Variants in HSPA14 observed in about 807,000 individuals in gnomAD.
HSPA14 encodes heat shock protein family A (Hsp70) member 14.
A neutral mutation model predicts 65.5 loss-of-function variants in HSPA14; 37 were observed. That is an observed-to-expected ratio of 0.56 (90% CI 0.43 to 0.74). HSPA14 has a LOEUF of 0.74. Among genes scored for constraint, HSPA14 ranks in the 30% least tolerant of loss-of-function variants. HSPA14 has a pLI of 0.00. For synonymous variants in HSPA14, 203 were observed against 214.2 expected, an observed-to-expected ratio of 0.95 and a Z score of 0.46; for missense variants, 564 against 607.6, an observed-to-expected ratio of 0.93 and a Z score of 0.75.
At position 14,855,856 on chromosome 10, in the gene HSPA14, T is replaced by C. The variant is rs115685817; in HGVS notation, c.906T>C (p.Leu302=). 6.9e-5 allele frequency: 110 copies of C among 1,598,586 alleles called. No homozygotes were observed. The East Asian group carries it at 2.4e-3, about 35-fold the overall frequency. Residue 302 remains leucine (L), a synonymous_variant, in exon 10 of 14, where the codon CTT becomes CTC. Transcript: ENST00000378372. ...DCNVSRARFE[L]LCSPLFNKCI... is the part of the protein sequence containing the mutation. ...GTGTGTACAGAGCAAGATTTGAACTTCTTTGTTCTCCACTTTTTAATAAGT... is the reference window on the plus strand; with the variant it reads ...GTGTGTACAGAGCAAGATTTGAACTCCTTTGTTCTCCACTTTTTAATAAGT...
chr10:14,862,365 TC>T (rs1832757711), intron 10 of HSPA14, among the ~76,000 whole-genome samples: 1 of 146,184 alleles, frequency 6.8e-6, no homozygotes, highest in South Asian at 2.1e-4. Context: ...GAAAGCTCTT[TC>T]TTTTCTTTTC....
intron 10 of HSPA14, among the ~76,000 whole-genome samples, chr10:14,858,298 A>G (rs1458335403): frequency 6.6e-6 from 1 of 152,132 alleles, no homozygotes. Flanking sequence ...ATTATCTCTC[A>G]CAGTCCAATT....
intron 12 of HSPA14, among the ~76,000 whole-genome samples, chr10:14,868,922 C>T (rs1243457891): frequency 6.6e-6 from 1 of 152,190 alleles, no homozygotes; most frequent in East Asian, 1.9e-4. Flanking sequence ...TCTCGGCTCA[C>T]TGCAAGCTCC....
At chr10:14,854,342 A>G (rs1834130658) in intron 9 of HSPA14, 62 bp downstream of exon 9, 2 of 1,358,814 alleles carry the variant, frequency 1.5e-6, no homozygotes, top group South Asian at 2.8e-5. Flanking sequence ...TTTAGGTATA[A>G]TTTTCTTACT....
At chr10:14,855,693 TGTCATTCA>T (rs1253193727) in intron 9 of HSPA14, 140 bp from the exon 10 acceptor site, 1 of 559,566 alleles carries the variant, frequency 1.8e-6, no homozygotes, top group African/African-American at 1.9e-5. Context: ...ATGGTAAACC[TGTCATTCA>T]GAGAACTATC....
At chr10:14,861,426 A>G (rs1832749409) in intron 10 of HSPA14, among the ~76,000 whole-genome samples, 1 of 152,152 alleles carries the variant, frequency 6.6e-6, no homozygotes, top group African/African-American at 2.4e-5. Flanking sequence ...CCCAGGCTCA[A>G]GCGACCCTCC....
intron 3 of HSPA14, among the ~76,000 whole-genome samples, chr10:14,843,068 T>G (rs560775615): frequency 6.6e-6 from 1 of 152,312 alleles, no homozygotes; most frequent in Admixed American, 6.5e-5. Flanking sequence ...AACCTAGAAG[T>G]GCTCTCTAGA....
intron 12 of HSPA14, among the ~76,000 whole-genome samples, chr10:14,868,978 C>T (rs2131652304): frequency 6.6e-6 from 1 of 152,068 alleles, no homozygotes; most frequent in African/African-American, 2.4e-5. Flanking sequence ...TCCTGAGTAG[C>T]TGGGACTACA....
chr10:14,848,495 G>A, intron 3 of HSPA14, 114 bp from the exon 4 acceptor site: 1 of 667,540 alleles, frequency 1.5e-6, no homozygotes. Flanking sequence ...TAATAACTTT[G>A]TTAATATTTT....
chr10:14,840,017 A>G, intron 2 of HSPA14, 32 bp downstream of exon 2: 1 of 1,522,140 alleles, frequency 6.6e-7, no homozygotes. Flanking sequence ...TACTTCTGAA[A>G]TAATTTAAAA....
chr10:14,842,151 G>A lies in HSPA14; in HGVS notation c.221+1994G>A. 6.5e-7 allele frequency: 1 copy of A among 1,534,580 alleles called. No homozygotes were observed. The highest frequency in any genetic ancestry group is 8.7e-7 in the Non-Finnish European group (1 of 1,146,622). The stretch of plus-strand genomic sequence containing the variant: ...CCTTCCAGCCAGAAATGCGGTCCTT[G>A]GACCTGGCTTCTCAGCAATTATCCC... On this transcript the variant is annotated intron_variant, in intron 3 of 13. Coordinates refer to ENST00000378372, the MANE Select transcript of HSPA14 (RefSeq NM_016299.4). This position sits in a 1 kb window ranked among gnomAD's most constrained non-coding sequence, Gnocchi z 5.2.
At chr10:14,840,444 C>T (rs949503835) in intron 3 of HSPA14, among the ~76,000 whole-genome samples, 1 of 152,004 alleles carries the variant, frequency 6.6e-6, no homozygotes, top group Admixed American at 6.6e-5. Context: ...TTTTTTTTAA[C>T]TGAGAGGATT....
intron 9 of HSPA14, 125 bp downstream of exon 9, chr10:14,854,405 A>T (rs1834131250): frequency 4.1e-6 from 3 of 734,194 alleles, no homozygotes; most frequent in Non-Finnish European, 6.5e-6. Flanking sequence ...TAATGTCTTC[A>T]CTTTATTGGG....
At chr10:14,838,678 A>C in intron 1 of HSPA14, 1 of 510,446 alleles carries the variant, frequency 2.0e-6, no homozygotes, top group Non-Finnish European at 3.4e-6. Context: ...GCTCGCGGCG[A>C]TGTAGACGCG....
chr10:14,866,660 G>GT, intron 10 of HSPA14, among the ~76,000 whole-genome samples: 1 of 152,060 alleles, frequency 6.6e-6, no homozygotes, highest in Non-Finnish European at 1.5e-5. Flanking sequence ...TTATGGCATA[G>GT]TTTTCACTAA....
intron 3 of HSPA14, chr10:14,846,552 A>T (rs113159466): frequency 1.0e-6 from 1 of 985,098 alleles, no homozygotes. Context: ...GAATCTGCCT[A>T]TGTGGTAGAC....
intron 3 of HSPA14, among the ~76,000 whole-genome samples, chr10:14,841,539 C>T (rs1369551717): frequency 6.6e-6 from 1 of 152,166 alleles, no homozygotes; most frequent in Non-Finnish European, 1.5e-5. Flanking sequence ...CCAAGATGCT[C>T]ACATCGATAT....
chr10:14,867,985 C>CA (rs1832822061), intron 12 of HSPA14, 76 bp downstream of exon 12: 13 of 1,170,206 alleles, frequency 1.1e-5, no homozygotes, highest in Non-Finnish European at 1.5e-5. Flanking sequence ...TATCTTAATA[C>CA]AAAATGTGTA....
chr10:14,840,028 T>C, intron 2 of HSPA14, 43 bp downstream of exon 2: 1 of 1,462,776 alleles, frequency 6.8e-7, no homozygotes, highest in African/African-American at 1.4e-5. Context: ...TAATTTAAAA[T>C]TACATACATT....
Sources: gnomAD v4.1 joint callset for allele counts (sites outside exome capture counted in the v4.1 genomes callset) on GRCh38, gnomAD v4.1.1 for gene constraint, Gnocchi (gnomAD v3.1) non-coding constraint, MANE v1.5 for transcripts, NCBI Gene and HGNC (gene_info 2026-07-23, HGNC 2026-07-21) for gene names.